The following MAP2K4 variants were observed in gnomAD, a reference collection of about 807,000 sequenced individuals.
MAP2K4 encodes the protein dual specificity mitogen-activated protein kinase kinase 4.
MAP2K4 carries 4 observed loss-of-function variants against 48.5 expected under a neutral mutation model. The ratio of observed to expected loss-of-function variants is 0.08; its 90% CI spans 0.04 to 0.19. The LOEUF (loss-of-function observed/expected upper bound fraction) is 0.19, where lower values mean the gene tolerates loss of function less well. Ranked by LOEUF, MAP2K4 falls within the 10% of genes least tolerant of loss-of-function variation. MAP2K4 has a pLI of 1.00. For missense variants in MAP2K4, 258 were observed against 493.3 expected (o/e 0.52, Z 4.52); for synonymous variants, 166 against 173.1 (o/e 0.96, Z 0.32).
chr17:12,021,790 G>A (rs1192505484), intron 1 of MAP2K4, among the ~76,000 whole-genome samples: 1 of 151,748 alleles, frequency 6.6e-6, no homozygotes, highest in African/African-American at 2.4e-5. Context: ...AGAGATACAG[G>A]AAATAGACAG....
chr17:12,059,815 A>C (rs1004617718), intron 2 of MAP2K4, among the ~76,000 whole-genome samples: 1 of 152,176 alleles, frequency 6.6e-6, no homozygotes, highest in African/African-American at 2.4e-5. Context: ...ACTTTATCTT[A>C]AAACTTAGAA....
chr17:12,083,010 G>A (rs887371805), intron 3 of MAP2K4, among the ~76,000 whole-genome samples: 2 of 152,206 alleles, frequency 1.3e-5, no homozygotes, highest in Non-Finnish European at 2.9e-5. Flanking sequence ...TCCAGTTTTA[G>A]TTGGCTGGAT....
In MAP2K4 at chr17:12,102,189, C is replaced by T. The variant is rs182447206; in HGVS notation, c.514-5601C>T. Among the ~76,000 whole-genome samples the T allele has an allele frequency of 3.2e-3, 484 of 151,932 alleles. 5 individuals carry two copies. The highest frequency in any genetic ancestry group is 4.1e-3 in the Non-Finnish European group (276 of 67,914). The stretch of plus-strand genomic sequence containing the variant: ...CAGGTTAAGGAAGTTTCTTTTTACT[C>T]CTAGTTTGCTGAGAGATTTTGTCAG... On this transcript the variant is annotated intron_variant, in intron 4 of 10. Transcript: ENST00000353533.
At chr17:12,138,538 T>C (rs575889888) in intron 9 of MAP2K4, among the ~76,000 whole-genome samples, 4 of 152,054 alleles carry the variant, frequency 2.6e-5, no homozygotes, top group Admixed American at 6.6e-5. Flanking sequence ...GGAGTTGGTC[T>C]TGCTATCTCG....
rs1338451741 is a variant in MAP2K4, at chr17:12,088,571, A to ATC, written c.394-7003_394-7002insCT. On this transcript the variant is annotated intron_variant, in intron 3 of 10. Transcript: ENST00000353533. The stretch of plus-strand genomic sequence containing the variant: ...ATCTAATATATAATATATATTAAAT[A>ATC]TATAATATATAATATATATTAAATA... Among the ~76,000 whole-genome samples, 16 of 138,696 alleles carry ATC rather than the reference A, an allele frequency of 1.2e-4. No individual in the cohort carries two copies. In the East Asian group the frequency reaches 3.3e-3, roughly 29 times the overall value. The allele number at this position is 138,696 out of a possible 152,430, so 91.0% of individuals were successfully genotyped here.
intron 7 of MAP2K4, among the ~76,000 whole-genome samples, chr17:12,114,487 T>G (rs1972419543): frequency 6.6e-6 from 1 of 152,062 alleles, no homozygotes; most frequent in African/African-American, 2.4e-5. Flanking sequence ...CTGGGCAGAT[T>G]TCTTGACTCA....
chr17:12,054,680 T>C (rs980980228), intron 1 of MAP2K4, among the ~76,000 whole-genome samples: 3 of 152,158 alleles, frequency 2.0e-5, no homozygotes, highest in African/African-American at 7.2e-5. Flanking sequence ...TATCATAGCC[T>C]AGTGAATGAT....
intron 2 of MAP2K4, among the ~76,000 whole-genome samples, chr17:12,071,982 ATGTT>A (rs1970827000): frequency 6.6e-6 from 1 of 152,206 alleles, no homozygotes; most frequent in Non-Finnish European, 1.5e-5. Context: ...ATATTCTGAA[ATGTT>A]TAAAAAGTGA....
chr17:12,042,388 C>T (rs764855122), intron 1 of MAP2K4, among the ~76,000 whole-genome samples: 76 of 152,118 alleles, frequency 5.0e-4, no homozygotes, highest in Non-Finnish European at 6.9e-4. Context: ...GTCAGTTGGA[C>T]AAGGTAGTCA....
chr17:12,034,887 A>G (rs557597346), intron 1 of MAP2K4, among the ~76,000 whole-genome samples: 2 of 152,250 alleles, frequency 1.3e-5, no homozygotes, highest in South Asian at 2.1e-4. Flanking sequence ...CAATGGGCCT[A>G]CCCTGCTTTG....
intron 1 of MAP2K4, among the ~76,000 whole-genome samples, chr17:12,054,290 C>G (rs1272194847): frequency 6.6e-6 from 1 of 151,796 alleles, no homozygotes; most frequent in African/African-American, 2.4e-5. Flanking sequence ...TCTTTTTTTG[C>G]ATTTTCTGCC....
chr17:12,056,499 C>T (rs956963555), intron 2 of MAP2K4, among the ~76,000 whole-genome samples: 4 of 152,018 alleles, frequency 2.6e-5, no homozygotes, highest in African/African-American at 9.7e-5. Context: ...CTAGATTTCT[C>T]ATCCTTTGTT....
intron 1 of MAP2K4, among the ~76,000 whole-genome samples, chr17:12,038,631 A>G (rs1212873481): frequency 6.6e-6 from 1 of 152,188 alleles, no homozygotes; most frequent in Non-Finnish European, 1.5e-5. Flanking sequence ...TTGAGCATAT[A>G]TAGGAGCTAT....
rs550045376 is a variant in MAP2K4 at position 12,030,659 on chromosome 17, C to T, written c.115+9658C>T. ...TATTAAGCAATGTAACTTTTTTTAA[C>T]ACAACCTTACATATAGATCCAACTG... On this transcript the variant is annotated intron_variant, in intron 1 of 10. Transcript: ENST00000353533. Among the ~76,000 whole-genome samples, 44 of 152,240 alleles carry T rather than the reference C, an allele frequency of 2.9e-4. No individual in the cohort carries two copies. The South Asian group carries it at 4.8e-3, about 17-fold the overall frequency.
At chr17:12,046,712 A>G (rs1969976250) in intron 1 of MAP2K4, among the ~76,000 whole-genome samples, 1 of 152,196 alleles carries the variant, frequency 6.6e-6, no homozygotes, top group African/African-American at 2.4e-5. Context: ...GAATCAGAGA[A>G]TGGATGAATC....
chr17:12,117,809 C>T (rs1463946576), intron 7 of MAP2K4, among the ~76,000 whole-genome samples: 2 of 152,026 alleles, frequency 1.3e-5, no homozygotes, highest in African/African-American at 2.4e-5. Flanking sequence ...GTGTGGTGTT[C>T]GTATGAGCAC....
chr17:12,136,151 G>C (rs1156921701), intron 9 of MAP2K4, among the ~76,000 whole-genome samples: 1 of 152,114 alleles, frequency 6.6e-6, no homozygotes, highest in Non-Finnish European at 1.5e-5. Context: ...AGGACTAAAT[G>C]ATTCCAAAAA....
At chr17:12,021,135 C>A in intron 1 of MAP2K4, 134 bp downstream of exon 1, 2 of 456,596 alleles carry the variant, frequency 4.4e-6, no homozygotes, top group Non-Finnish European at 6.8e-6. Context: ...TCTCTCCCTC[C>A]CCGGCTTCCC....
At chr17:12,118,769 A>G (rs1972581692) in intron 7 of MAP2K4, among the ~76,000 whole-genome samples, 2 of 152,216 alleles carry the variant, frequency 1.3e-5, no homozygotes. Flanking sequence ...GAAGGCGTTT[A>G]GCATGAAGGA....
Sources: allele counts gnomAD v4.1 joint callset (sites outside exome capture counted in the v4.1 genomes callset), GRCh38; gene constraint gnomAD v4.1.1; transcripts MANE v1.5; gene names NCBI Gene and HGNC (gene_info 2026-07-23, HGNC 2026-07-21).